The following VIPR1 variants were observed in gnomAD, a reference collection of about 807,000 sequenced individuals.
VIPR1 encodes the protein vasoactive intestinal peptide receptor 1.
VIPR1 carries 59 observed loss-of-function variants against 58.8 expected under a neutral mutation model. The observed-to-expected ratio is 1.00, with a 90% CI of 0.81 to 1.25. VIPR1 has a LOEUF of 1.25. Ranked by LOEUF, VIPR1 falls within the 50% of genes most tolerant of loss-of-function variation. The pLI, the probability that VIPR1 is intolerant of heterozygous loss-of-function variation, is 0.00. For missense variants in VIPR1, 626 were observed against 602.7 expected (o/e 1.04, Z -0.40); for synonymous variants, 251 against 242.1 (o/e 1.04, Z -0.34).
At chr3:42,507,341 G>C (rs745712762) in intron 1 of VIPR1, 3 of 152,258 alleles carry the variant, frequency 2.0e-5, no homozygotes, top group Non-Finnish European at 4.4e-5. Flanking sequence ...CCTCAGGCTA[G>C]CCTCCACTGG....
chr3:42,523,093 C>CCG (rs1553638542), intron 3 of VIPR1, among the ~76,000 whole-genome samples: 30 of 150,096 alleles, frequency 2.0e-4, no homozygotes, highest in African/African-American at 3.0e-4. Context: ...GACCCCGCCC[C>CCG]CAGTGGAGTG....
At chr3:42,499,826 G>A (rs1699833604), upstream of VIPR1, among the ~76,000 whole-genome samples, 1 of 152,116 alleles carries the variant, frequency 6.6e-6, no homozygotes, top group Non-Finnish European at 1.5e-5. Flanking sequence ...TGCACAAAAG[G>A]ATGGCTTCCT....
chr3:42,532,852 G>A (rs1701642906), intron 10 of VIPR1: 1 of 166,210 alleles, frequency 6.0e-6, no homozygotes, highest in African/African-American at 2.4e-5. Context: ...CATCCACACA[G>A]TCCCCTGCAA....
At chr3:42,495,426 T>C (rs369635320) in intron 1 of VIPR1, among the ~76,000 whole-genome samples, 1 of 152,198 alleles carries the variant, frequency 6.6e-6, no homozygotes, top group Admixed American at 6.5e-5. Flanking sequence ...TGGCCTGCTG[T>C]AGACATTTTT....
At chr3:42,530,480 T>C (rs771244433) in intron 6 of VIPR1, 4 of 322,270 alleles carry the variant, frequency 1.2e-5, no homozygotes, top group Non-Finnish European at 1.7e-5. Flanking sequence ...AATAAATGGA[T>C]ACATGGATAG....
chr3:42,508,834 G>C (rs1239511075), intron 1 of VIPR1: 1 of 152,248 alleles, frequency 6.6e-6, no homozygotes, highest in Non-Finnish European at 1.5e-5. Context: ...GCAAGGATGG[G>C]AAGGTGAGCT....
In VIPR1 at chr3:42,535,394, T is replaced by A. The variant is rs760347843; in HGVS notation, c.1182+10T>A. ...CTTCCTCAATGGTGAGGTAAGCCCC[T>A]CCCAGTCCTTGGGGCTTAGGCAATG... is the stretch of plus-strand genomic sequence containing the variant. On this transcript the variant is annotated intron_variant, in intron 12 of 12. Coordinates refer to ENST00000325123, the MANE Select transcript of VIPR1 (RefSeq NM_004624.4). 4 of 1,613,696 alleles carry A rather than the reference T, an allele frequency of 2.5e-6. No homozygotes were observed. The highest frequency in any genetic ancestry group is 3.4e-6 in the Non-Finnish European group (4 of 1,179,656).
At chr3:42,532,906 C>T (rs902524450) in intron 10 of VIPR1, 15 of 158,526 alleles carry the variant, frequency 9.5e-5, no homozygotes, top group Admixed American at 8.9e-4. Context: ...ACACTCCCTT[C>T]TCCTTGAGGG....
intron 1 of VIPR1, among the ~76,000 whole-genome samples, chr3:42,505,629 G>A (rs1022679930): frequency 2.6e-5 from 4 of 152,236 alleles, no homozygotes; most frequent in Admixed American, 1.3e-4. Context: ...CTGGAAAAGC[G>A]AGCCCTTTTG....
At chr3:42,526,575 G>A (rs1402900848) in intron 4 of VIPR1, among the ~76,000 whole-genome samples, 3 of 152,286 alleles carry the variant, frequency 2.0e-5, no homozygotes, top group East Asian at 1.9e-4. Context: ...GTCTGTCTGC[G>A]ATGGCATCTG....
At position 42,528,216 on chromosome 3, in the gene VIPR1, T is replaced by C. The variant is rs368259310; in HGVS notation, c.636+93T>C. ...TTCTCCCCCTGCTTCTCCCTCTCCC[T>C]CCTCCCTCTTCCCTCCCACCCCACC... On this transcript the variant is annotated intron_variant, in intron 6 of 12. Transcript: ENST00000325123. 1,721 of 1,472,664 alleles carry C rather than the reference T, an allele frequency of 1.2e-3. 23 individuals are homozygous for C. In the African/African-American group the frequency reaches 0.022, roughly 19 times the overall value. 91.2% of individuals were successfully genotyped at this position (1,472,664 alleles called of 1,614,324 possible).
intron 1 of VIPR1, among the ~76,000 whole-genome samples, chr3:42,497,587 G>A (rs185482340): frequency 1.8e-4 from 28 of 152,284 alleles, no homozygotes; most frequent in African/African-American, 6.3e-4. Flanking sequence ...CCCTGATACG[G>A]TTTGGCTGTG....
At chr3:42,515,241 G>C (rs899517041) in intron 2 of VIPR1, among the ~76,000 whole-genome samples, 1 of 152,240 alleles carries the variant, frequency 6.6e-6, no homozygotes, top group African/African-American at 2.4e-5. Flanking sequence ...CTGGTGCCCA[G>C]GCTGTCTGCC....
intron 1 of VIPR1, 151 bp from the exon 2 acceptor site, chr3:42,513,598 C>T: frequency 2.6e-6 from 2 of 755,740 alleles, no homozygotes; most frequent in Admixed American, 5.7e-5. Context: ...AGGTTGGGGT[C>T]AGGTTCAGGT....
intron 1 of VIPR1, among the ~76,000 whole-genome samples, chr3:42,495,876 T>C (rs1270009492): frequency 6.6e-6 from 1 of 151,764 alleles, no homozygotes; most frequent in Non-Finnish European, 1.5e-5. Context: ...CTGACTGAAC[T>C]TGGAAGAAGA....
At chr3:42,530,529 A>G (rs1388144139) in intron 6 of VIPR1, 3 of 472,098 alleles carry the variant, frequency 6.4e-6, no homozygotes, top group East Asian at 7.0e-5. Flanking sequence ...GTAGATATAT[A>G]GATGGGAAGG....
intron 6 of VIPR1, chr3:42,528,480 T>G: frequency 3.8e-6 from 1 of 265,374 alleles, no homozygotes. Context: ...TTTCCCCATC[T>G]GTGCAAGGAA....
intron 10 of VIPR1, chr3:42,533,644 G>A (rs1350627341): frequency 6.6e-6 from 1 of 152,326 alleles, no homozygotes; most frequent in African/African-American, 2.4e-5. Context: ...GGGGGCAGTT[G>A]GAGATGAAGC....
intron 8 of VIPR1, 52 bp downstream of exon 8, chr3:42,531,583 C>T (rs1184989211): frequency 6.3e-7 from 1 of 1,583,026 alleles, no homozygotes; most frequent in South Asian, 1.1e-5. Context: ...GGGCAGGCCC[C>T]CTGGGTGGGA....
Sources: gnomAD v4.1 joint callset for allele counts (sites outside exome capture counted in the v4.1 genomes callset) on GRCh38, gnomAD v4.1.1 for gene constraint, MANE v1.5 for transcripts, NCBI Gene and HGNC (gene_info 2026-07-23, HGNC 2026-07-21) for gene names.